The following RBMS3 variants were observed in gnomAD, a reference collection of about 807,000 sequenced individuals.
RBMS3 encodes the protein RNA-binding motif, single-stranded-interacting protein 3.
In RBMS3, 27 loss-of-function variants were observed where a neutral mutation model predicts 66.8. The ratio of observed to expected loss-of-function variants is 0.40; its 90% CI spans 0.30 to 0.56. The LOEUF (loss-of-function observed/expected upper bound fraction) is 0.56. Ranked by LOEUF, RBMS3 falls within the 20% of genes least tolerant of loss-of-function variation. The pLI, the probability that RBMS3 is intolerant of heterozygous loss-of-function variation, is 0.40. For missense variants in RBMS3, 513 were observed against 549.5 expected, an observed-to-expected ratio of 0.93 and a Z score of 0.66; for synonymous variants, 188 against 183.0, an observed-to-expected ratio of 1.03 and a Z score of -0.22.
At chr3:29,785,845 A>G (rs1315012015) in intron 6 of RBMS3, among the ~76,000 whole-genome samples, 4 of 152,154 alleles carry the variant, frequency 2.6e-5, no homozygotes, top group Non-Finnish European at 5.9e-5. Flanking sequence ...TAGCCAGAAC[A>G]ATCAAACAAG....
rs561522730 is a variant in RBMS3 at position 29,922,572 on chromosome 3, C to G, written c.940-13514C>G. On this transcript the variant is annotated intron_variant, in intron 10 of 14. Coordinates refer to ENST00000383767, the MANE Select transcript of RBMS3 (RefSeq NM_001003793.3). ...GATGAATTAATGAATATTCTTTATT[C>G]TAAACACTGTACAGTACCAAAATAT... 2.6e-5 allele frequency among the ~76,000 whole-genome samples: 4 copies of G among 150,988 alleles called. No homozygotes were observed. The South Asian group carries it at 8.4e-4, about 32-fold the overall frequency.
chr3:29,697,208 C>T (rs1381302399), intron 4 of RBMS3: 7 of 705,002 alleles, frequency 9.9e-6, no homozygotes, highest in Non-Finnish European at 1.0e-5. Flanking sequence ...CTTAATGATA[C>T]AATTGGTTTA....
intron 4 of RBMS3, among the ~76,000 whole-genome samples, chr3:29,604,330 T>G (rs1559503307): frequency 6.6e-6 from 1 of 151,998 alleles, no homozygotes; most frequent in Non-Finnish European, 1.5e-5. Flanking sequence ...TTTAATGACA[T>G]GTCATACTAA....
chr3:29,997,395 G>A (rs1157533159), intron 14 of RBMS3, among the ~76,000 whole-genome samples: 2 of 149,156 alleles, frequency 1.3e-5, no homozygotes, highest in East Asian at 2.0e-4. Context: ...AGAAAAAGAG[G>A]GAATCCTCCC....
At chr3:29,795,297 C>T (rs192179318) in intron 6 of RBMS3, among the ~76,000 whole-genome samples, 19 of 152,304 alleles carry the variant, frequency 1.2e-4, no homozygotes, top group Admixed American at 9.8e-4. Flanking sequence ...CTGGGAAATT[C>T]GTGCTCAACT....
At chr3:29,544,836 T>C (rs1329514983) in intron 3 of RBMS3, among the ~76,000 whole-genome samples, 1 of 152,138 alleles carries the variant, frequency 6.6e-6, no homozygotes, top group African/African-American at 2.4e-5. Context: ...ACAAAACAGA[T>C]AACAGATGGG....
At chr3:29,890,862 T>G (rs2059985119) in intron 8 of RBMS3, among the ~76,000 whole-genome samples, 1 of 151,510 alleles carries the variant, frequency 6.6e-6, no homozygotes, top group African/African-American at 2.4e-5. Flanking sequence ...ACCGTTTACG[T>G]TTTTATTTAT....
chr3:29,490,206 A>T (rs1437668113), intron 3 of RBMS3, among the ~76,000 whole-genome samples: 1 of 151,648 alleles, frequency 6.6e-6, no homozygotes, highest in Non-Finnish European at 1.5e-5. Flanking sequence ...CAGACAAAAT[A>T]TGATTCTGCA....
At chr3:29,765,425 T>C (rs1576739086) in intron 6 of RBMS3, among the ~76,000 whole-genome samples, 2 of 152,120 alleles carry the variant, frequency 1.3e-5, no homozygotes, top group East Asian at 3.9e-4. Context: ...CGAATCTTTT[T>C]CATTACTTTA....
intron 1 of RBMS3, among the ~76,000 whole-genome samples, chr3:29,332,536 C>G (rs948558324): frequency 1.3e-5 from 2 of 152,120 alleles, no homozygotes; most frequent in Non-Finnish European, 2.9e-5. Flanking sequence ...AGACAGCTTG[C>G]CTGGGCATGA....
At chr3:29,642,140 A>G (rs2049740668) in intron 4 of RBMS3, among the ~76,000 whole-genome samples, 1 of 152,074 alleles carries the variant, frequency 6.6e-6, no homozygotes, top group African/African-American at 2.4e-5. Flanking sequence ...CAGAAAGGTT[A>G]TAACCCGTAG....
chr3:29,660,033 A>G (rs1225873443), intron 4 of RBMS3, among the ~76,000 whole-genome samples: 1 of 152,136 alleles, frequency 6.6e-6, no homozygotes, highest in Non-Finnish European at 1.5e-5. Context: ...TTATTGTGCA[A>G]GACTTTCACC....
At chr3:29,679,788 T>A (rs1210771088) in intron 4 of RBMS3, among the ~76,000 whole-genome samples, 2 of 126,760 alleles carry the variant, frequency 1.6e-5, no homozygotes, top group Admixed American at 7.4e-5. Flanking sequence ...ATATATATAT[T>A]ATACATAGTG....
intron 1 of RBMS3, among the ~76,000 whole-genome samples, chr3:29,301,266 A>T (rs1390002480): frequency 2.0e-5 from 3 of 152,044 alleles, no homozygotes; most frequent in Non-Finnish European, 4.4e-5. Flanking sequence ...GAGAGTGATA[A>T]TTTATCAGAA....
At chr3:29,988,696 G>A (rs1003267791) in intron 13 of RBMS3, among the ~76,000 whole-genome samples, 14 of 152,140 alleles carry the variant, frequency 9.2e-5, no homozygotes, top group Admixed American at 8.5e-4. Flanking sequence ...GCTGAGACAG[G>A]AGGATCTCTT....
intron 1 of RBMS3, among the ~76,000 whole-genome samples, chr3:29,421,767 C>T (rs2040745961): frequency 6.6e-6 from 1 of 152,154 alleles, no homozygotes; most frequent in Non-Finnish European, 1.5e-5. Flanking sequence ...ACCAACTAAA[C>T]CTAATGTCCC....
chr3:29,716,775 C>T (rs1234357855), intron 4 of RBMS3, among the ~76,000 whole-genome samples: 1 of 152,216 alleles, frequency 6.6e-6, no homozygotes, highest in South Asian at 2.1e-4. Flanking sequence ...TTGTTTCTGT[C>T]CCACTTACGC....
intron 5 of RBMS3, among the ~76,000 whole-genome samples, chr3:29,744,120 G>A (rs2054767461): frequency 6.6e-6 from 1 of 151,866 alleles, no homozygotes; most frequent in South Asian, 2.1e-4. Context: ...TTTTCCAGGT[G>A]GAGTTGATTC....
intron 13 of RBMS3, among the ~76,000 whole-genome samples, chr3:29,989,083 G>A (rs2149796856): frequency 6.6e-6 from 1 of 152,238 alleles, no homozygotes; most frequent in South Asian, 2.1e-4. Context: ...AGAAACCATT[G>A]CTCTAGGCCA....
Sources: allele counts gnomAD v4.1 joint callset (sites outside exome capture counted in the v4.1 genomes callset), GRCh38; gene constraint gnomAD v4.1.1; transcripts MANE v1.5; gene names NCBI Gene and HGNC (gene_info 2026-07-23, HGNC 2026-07-21).